Variants in PDZD2 observed in about 807,000 individuals in gnomAD.
The protein encoded by PDZD2 is PDZ domain-containing protein 2.
Under a neutral mutation model 220.7 loss-of-function variants are expected in PDZD2, and 90 were observed. That is an observed-to-expected ratio of 0.41 (90% confidence interval 0.34 to 0.49). The LOEUF (loss-of-function observed/expected upper bound fraction) is 0.49, where lower values mean the gene tolerates loss of function less well. Ranked by LOEUF, PDZD2 falls within the 20% of genes least tolerant of loss-of-function variation. The pLI is 0.28. For missense variants in PDZD2, 3,174 were observed against 3,608.5 expected, an observed-to-expected ratio of 0.88 and a Z score of 3.08; for synonymous variants, 1,375 against 1,450.5, an observed-to-expected ratio of 0.95 and a Z score of 1.18.
intron 1 of PDZD2, among the ~76,000 whole-genome samples, chr5:31,788,682 TTAAA>T (rs1753526951): frequency 6.7e-6 from 1 of 148,628 alleles, no homozygotes; most frequent in Admixed American, 6.9e-5. Context: ...AATAAATAAA[TTAAA>T]TAAATAAAAT....
Position 32,092,887 on chromosome 5 carries a change from A to G in PDZD2, c.7728-20A>G. ...TTGCTTTTTTCTTTAATGTTCTTCA[A>G]ATATATTTATATTATTTAGTTTGGA... On this transcript the variant is annotated intron_variant, in intron 20 of 24. Coordinates refer to ENST00000438447, the MANE Select transcript of PDZD2 (RefSeq NM_178140.4). 1 of 1,220,574 alleles carries G rather than the reference A, an allele frequency of 8.2e-7. No homozygotes were observed. The highest frequency in any genetic ancestry group is 1.2e-6 in the Non-Finnish European group (1 of 847,456). The allele number at this position is 1,220,574 out of a possible 1,614,324, so 75.6% of individuals were successfully genotyped here.
intron 6 of PDZD2, among the ~76,000 whole-genome samples, chr5:32,011,788 T>G (rs952823929): frequency 6.6e-6 from 1 of 152,212 alleles, no homozygotes; most frequent in Non-Finnish European, 1.5e-5. Flanking sequence ...GGGGAAAAGT[T>G]GCTTTTCGTC....
In PDZD2 at chr5:32,074,004, T is replaced by C; in HGVS notation, c.2898T>C (p.Asp966=). 6.2e-7 allele frequency: 1 copy of C among 1,614,136 alleles called. No homozygotes were observed. ...LLRQRKVGCY[D]ANDASDEEEF... is the part of the protein sequence containing the mutation. ...GCCAGAGGAAGGTAGGCTGCTACGA[T>C]GCCAACGATGCCAGTGATGAGGAAG... is the stretch of plus-strand genomic sequence containing the variant. Residue 966 remains aspartate, a synonymous_variant, in exon 18 of 25, where the codon GAT becomes GAC. Coordinates refer to ENST00000438447, the MANE Select transcript of PDZD2 (RefSeq NM_178140.4).
At chr5:31,958,919 G>A (rs966426342) in intron 2 of PDZD2, among the ~76,000 whole-genome samples, 2 of 144,992 alleles carry the variant, frequency 1.4e-5, no homozygotes, top group African/African-American at 2.6e-5. Context: ...TGAGCCACCC[G>A]GCCTTTAAAG....
chr5:31,891,329 T>G (rs1297964128), intron 2 of PDZD2, among the ~76,000 whole-genome samples: 3 of 151,110 alleles, frequency 2.0e-5, no homozygotes, highest in East Asian at 3.9e-4. Flanking sequence ...TTTTATTTAT[T>G]TTTTGAGACA....
Position 32,090,605 on chromosome 5 carries a change from G to A in PDZD2, c.7157G>A (p.Gly2386Asp), listed in dbSNP as rs546796086. 102 of 1,614,092 alleles carry A rather than the reference G, an allele frequency of 6.3e-5. No individual in the cohort carries two copies. The South Asian group carries it at 1.1e-3, about 17-fold the overall frequency. ...SIVSGSLGHP[G>D]DAAARLLRRS... ...GTTTCCGGGAGCCTGGGCCACCCAG[G>A]TGACGCAGCAGCAAGGTTGTTGAGA... is the stretch of plus-strand genomic sequence containing the variant. Residue 2386 changes from glycine (G) to aspartate (D), a missense_variant, in exon 20 of 25, where the codon GGT (glycine) becomes GAT (aspartate). Around this residue, in one of 4 missense-constraint regions of PDZD2, gnomAD observed 631 missense variants for 789.9 expected, o/e 0.80. Transcript: ENST00000438447. The surrounding 1 kb of genome is among the most constrained non-coding windows in gnomAD (Gnocchi z 4.3).
In PDZD2 at chr5:32,000,148, G is replaced by C; in HGVS notation, c.1131G>C (p.Arg377Ser). 6.2e-7 allele frequency: 1 copy of C among 1,613,960 alleles called. No homozygotes were observed. The highest frequency in any genetic ancestry group is 8.5e-7 in the Non-Finnish European group (1 of 1,179,862). ...KEGGAAHRDG[R>S]LSLGDELLVI... Reference sequence around the variant, plus strand: ...ATCTCCCTTTCCTCAGGGATGGCAGGCTGTCCTTAGGAGATGAGCTGCTGG... The same window carrying C: ...ATCTCCCTTTCCTCAGGGATGGCAGCCTGTCCTTAGGAGATGAGCTGCTGG... Residue 377 changes from arginine (R) to serine (S), a missense_variant, in exon 5 of 25, where the codon AGG becomes AGC. Arg to Ser is a moderately radical substitution (Grantham distance 110). This residue lies in a region of PDZD2 where 632 missense variants were observed against 708.1 expected (regional missense o/e 0.89). Coordinates refer to ENST00000438447, the MANE Select transcript of PDZD2 (RefSeq NM_178140.4). The surrounding 1 kb of genome is among the most constrained non-coding windows in gnomAD (Gnocchi z 4.5).
intron 24 of PDZD2, among the ~76,000 whole-genome samples, chr5:32,104,955 C>G (rs112417222): frequency 6.6e-6 from 1 of 151,576 alleles, no homozygotes; most frequent in Admixed American, 6.6e-5. Context: ...GGCCACATGA[C>G]GAGACTCCAC....
chr5:31,644,741 A>C (rs1580508255), intron 1 of PDZD2, among the ~76,000 whole-genome samples: 1 of 152,358 alleles, frequency 6.6e-6, no homozygotes. Flanking sequence ...TTCTGAGTGA[A>C]TAATGAGTGG....
At chr5:31,647,016 G>A (rs1219336775) in intron 1 of PDZD2, among the ~76,000 whole-genome samples, 1 of 152,120 alleles carries the variant, frequency 6.6e-6, no homozygotes, top group Non-Finnish European at 1.5e-5. Context: ...CAGATGTCAG[G>A]CTTATTGATT....
rs1462341814 is a variant in PDZD2 at position 31,849,885 on chromosome 5, T to C, written c.476+50161T>C. Among the ~76,000 whole-genome samples the C allele has an allele frequency of 1.1e-4, 4 of 37,648 alleles. No individual in the cohort carries two copies. The South Asian group carries it at 2.4e-3, about 22-fold the overall frequency. The allele number at this position is 37,648 out of a possible 152,430, so 24.7% of individuals were successfully genotyped here. A position where few individuals can be genotyped will look rare whatever the true frequency, so the allele number is the denominator to read the frequency against. ...ATATATATATACATATATATATATA[T>C]ATACACATATATATATATACATATA... On this transcript the variant is annotated intron_variant, in intron 2 of 24. Coordinates refer to ENST00000438447, the MANE Select transcript of PDZD2 (RefSeq NM_178140.4).
intron 5 of PDZD2, among the ~76,000 whole-genome samples, chr5:32,009,843 G>A (rs1753143001): frequency 1.3e-5 from 2 of 152,158 alleles, no homozygotes; most frequent in Admixed American, 6.5e-5. Context: ...TGTAATCCCA[G>A]CATTTTGGGA....
At chr5:31,829,810 T>A (rs1281234677) in intron 2 of PDZD2, among the ~76,000 whole-genome samples, 1 of 151,892 alleles carries the variant, frequency 6.6e-6, no homozygotes, top group East Asian at 2.0e-4. Flanking sequence ...TCCAGCACTT[T>A]CGGAAGCCAA....
intron 2 of PDZD2, among the ~76,000 whole-genome samples, chr5:31,800,356 A>T (rs543725604): frequency 6.6e-6 from 1 of 152,172 alleles, no homozygotes; most frequent in Non-Finnish European, 1.5e-5. Flanking sequence ...CAGTTCTCCC[A>T]GCAATGATGT....
At chr5:32,054,138 G>A (rs570960713) in intron 10 of PDZD2, among the ~76,000 whole-genome samples, 15 of 152,046 alleles carry the variant, frequency 9.9e-5, no homozygotes, top group East Asian at 1.9e-4. Context: ...GGGGTCTTTA[G>A]TGTCTATCTT....
chr5:32,042,405 TAC>T (rs1756267690), intron 7 of PDZD2, among the ~76,000 whole-genome samples: 1 of 91,830 alleles, frequency 1.1e-5, no homozygotes, highest in African/African-American at 4.3e-5. Flanking sequence ...CTACTAAAAA[TAC>T]AAAAAAAAAA....
intron 6 of PDZD2, among the ~76,000 whole-genome samples, chr5:32,014,960 G>A (rs1390412840): frequency 4.2e-5 from 1 of 23,646 alleles, no homozygotes; most frequent in Non-Finnish European, 7.9e-5. Context: ...TTTTTTTTTT[G>A]AGACGGAGTC....
At chr5:32,040,451 G>A (rs1218920116) in intron 7 of PDZD2, among the ~76,000 whole-genome samples, 3 of 149,504 alleles carry the variant, frequency 2.0e-5, no homozygotes, top group Admixed American at 2.0e-4. Flanking sequence ...CATCGTCTGC[G>A]ATGTGAGGAG....
intron 2 of PDZD2, among the ~76,000 whole-genome samples, chr5:31,830,246 A>G (rs924455950): frequency 2.0e-5 from 3 of 150,386 alleles, no homozygotes; most frequent in African/African-American, 7.4e-5. Flanking sequence ...GCTCACTGCA[A>G]GCTCCGCCTC....
Sources: allele counts gnomAD v4.1 joint callset (sites outside exome capture counted in the v4.1 genomes callset), GRCh38; gene constraint gnomAD v4.1.1; regional missense constraint gnomAD v4.1.1; non-coding constraint Gnocchi (gnomAD v3.1); transcripts MANE v1.5; gene names NCBI Gene and HGNC (gene_info 2026-07-23, HGNC 2026-07-21).